Variants in KATNAL1 observed in about 807,000 individuals in gnomAD.
KATNAL1 encodes the protein katanin catalytic subunit A1 like 1.
A neutral mutation model predicts 55.2 loss-of-function variants in KATNAL1; 32 were observed. The observed-to-expected ratio is 0.58, with a 90% CI of 0.44 to 0.78. The LOEUF is 0.78. KATNAL1 is among the 30% of genes least tolerant of loss of function. The pLI is 0.00. For missense variants in KATNAL1, 466 were observed against 600.9 expected (o/e 0.78, Z 2.35); for synonymous variants, 193 against 193.6 (o/e 1.00, Z 0.02).
At chr13:30,212,250 G>T (rs1344492882) in intron 9 of KATNAL1, among the ~76,000 whole-genome samples, 1 of 152,204 alleles carries the variant, frequency 6.6e-6, no homozygotes, top group Non-Finnish European at 1.5e-5. Context: ...TCGACACAGT[G>T]AAAACAGATA....
intron 3 of KATNAL1, among the ~76,000 whole-genome samples, chr13:30,277,915 GGAGCTTGCAGT>G (rs1447039653): frequency 1.4e-5 from 2 of 144,726 alleles, no homozygotes; most frequent in East Asian, 4.1e-4. Flanking sequence ...CCCGGGAGGC[GGAGCTTGCAGT>G]GAGCCGAGAT....
At chr13:30,287,239 A>T (rs1484645718) in intron 1 of KATNAL1, among the ~76,000 whole-genome samples, 1 of 152,110 alleles carries the variant, frequency 6.6e-6, no homozygotes, top group East Asian at 1.9e-4. Flanking sequence ...TCCCACCCAA[A>T]TCTCACCTTG....
intron 1 of KATNAL1, among the ~76,000 whole-genome samples, chr13:30,301,389 C>A (rs1882846376): frequency 1.3e-5 from 2 of 151,964 alleles, no homozygotes; most frequent in African/African-American, 2.4e-5. Flanking sequence ...ACAAAAAAAA[C>A]CCTATAAACT....
chr13:30,279,344 A>G (rs1451970279), intron 3 of KATNAL1, among the ~76,000 whole-genome samples: 1 of 152,234 alleles, frequency 6.6e-6, no homozygotes, highest in Non-Finnish European at 1.5e-5. Context: ...AGCAACAAAT[A>G]AATGCAACAT....
At chr13:30,226,177 GAATACAAA>G (rs1468717749) in intron 9 of KATNAL1, among the ~76,000 whole-genome samples, 1 of 152,120 alleles carries the variant, frequency 6.6e-6, no homozygotes, top group Non-Finnish European at 1.5e-5. Context: ...ATTGATGATG[GAATACAAA>G]ATGGTATGAC....
In KATNAL1 at chr13:30,280,221, A is replaced by G. The variant is rs373275930; in HGVS notation, c.165T>C (p.Val55=). 6.4e-7 allele frequency: 1 copy of G among 1,574,424 alleles called. No individual in the cohort carries two copies. The highest frequency in any genetic ancestry group is 8.6e-7 in the Non-Finnish European group (1 of 1,167,712). Residue 55 remains valine (V), a splice_region_variant and synonymous_variant, in exon 3 of 11, where the codon GTT becomes GTC. Transcript: ENST00000380615. ...DPAIKGKWQQ[V]RQELLEEYEQ... ...CATATTCCTCCAATAATTCCTGCCGAACCTTAAAAAAAAAAAATAGGCTTT... is the reference window on the plus strand; with the variant it reads ...CATATTCCTCCAATAATTCCTGCCGGACCTTAAAAAAAAAAAATAGGCTTT...
intron 9 of KATNAL1, among the ~76,000 whole-genome samples, chr13:30,223,245 C>T (rs536472753): frequency 2.6e-5 from 4 of 151,936 alleles, no homozygotes; most frequent in South Asian, 4.2e-4. Flanking sequence ...CGAGACCATC[C>T]TGGCTAACAC....
intron 5 of KATNAL1, 74 bp from the exon 6 acceptor site, chr13:30,240,639 AT>A (rs1045699775): frequency 2.3e-4 from 233 of 996,980 alleles, no homozygotes; most frequent in Middle Eastern, 4.2e-4. Context: ...AATTCTTTTA[AT>A]TTTTTTTTAC....
At chr13:30,209,746 G>A (rs1873480062) in intron 10 of KATNAL1, among the ~76,000 whole-genome samples, 1 of 152,206 alleles carries the variant, frequency 6.6e-6, no homozygotes, top group South Asian at 2.1e-4. Flanking sequence ...ATCTTAGGTT[G>A]TCAAAGTCAT....
intron 1 of KATNAL1, among the ~76,000 whole-genome samples, chr13:30,287,235 C>A (rs1209963259): frequency 6.6e-6 from 1 of 152,164 alleles, no homozygotes; most frequent in Admixed American, 6.5e-5. Context: ...GTGTTCCCAC[C>A]CAAATCTCAC....
At chr13:30,261,725 G>C (rs945040189) in intron 3 of KATNAL1, among the ~76,000 whole-genome samples, 5 of 152,158 alleles carry the variant, frequency 3.3e-5, no homozygotes, top group African/African-American at 7.2e-5. Context: ...AGCAAGTCCT[G>C]AGTGACCTAC....
intron 9 of KATNAL1, among the ~76,000 whole-genome samples, chr13:30,211,577 C>T (rs1457936120): frequency 6.6e-6 from 1 of 152,178 alleles, no homozygotes; most frequent in East Asian, 1.9e-4. Flanking sequence ...TCATCTAAAA[C>T]AGTTCCCCAG....
At position 30,213,810 on chromosome 13, in the gene KATNAL1, C is replaced by CTATTCAA. The variant is rs1372910995; in HGVS notation, c.1148-3369_1148-3368insTTGAATA. 1.8e-4 allele frequency among the ~76,000 whole-genome samples: 28 copies of CTATTCAA among 152,312 alleles called. No individual in the cohort carries two copies. The East Asian group carries it at 5.0e-3, about 27-fold the overall frequency. On this transcript the variant is annotated intron_variant, in intron 9 of 10. Transcript: ENST00000380615. ...GAGCTACCTATGACAAACTCACAGC[C>CTATTCAA]AATATCATATTGAATGGGCAAAAAC...
chr13:30,282,387 C>T (rs747276914), intron 2 of KATNAL1, among the ~76,000 whole-genome samples: 5 of 152,038 alleles, frequency 3.3e-5, no homozygotes, highest in Non-Finnish European at 7.4e-5. Context: ...CATGTAATAC[C>T]AGTGCTTTGA....
chr13:30,296,879 C>G (rs1310329970), intron 1 of KATNAL1: 10 of 345,880 alleles, frequency 2.9e-5, no homozygotes, highest in Non-Finnish European at 5.7e-5. Context: ...CCCTGGAGGG[C>G]TAGGCCAAGG....
In KATNAL1 at chr13:30,208,383, C is replaced by A; in HGVS notation, c.*157G>T. 1 of 593,612 alleles carries A rather than the reference C, an allele frequency of 1.7e-6. No individual in the cohort carries two copies. The highest frequency in any genetic ancestry group is 2.5e-5 in the South Asian group (1 of 39,756). 36.8% of individuals were successfully genotyped at this position (593,612 alleles called of 1,614,324 possible). ...CAAACTCTCGCCATCAATTATTTCT[C>A]AACTACATTTAGTATTCTTCGCAGT... On this transcript the variant is annotated 3_prime_UTR_variant, in exon 11 of 11. Coordinates refer to ENST00000380615, the MANE Select transcript of KATNAL1 (RefSeq NM_032116.5).
intron 3 of KATNAL1, among the ~76,000 whole-genome samples, chr13:30,257,119 ATTG>A (rs1290156599): frequency 6.6e-6 from 1 of 152,246 alleles, no homozygotes; most frequent in Non-Finnish European, 1.5e-5. Flanking sequence ...AGAATAAAAA[ATTG>A]TAATTGTTAA....
At position 30,279,108 on chromosome 13, in the gene KATNAL1, T is replaced by G. The variant is rs555046659; in HGVS notation, c.323+955A>C. Among the ~76,000 whole-genome samples, 17 of 152,296 alleles carry G rather than the reference T, an allele frequency of 1.1e-4. No individual in the cohort carries two copies. The East Asian group carries it at 3.3e-3, about 29-fold the overall frequency. ...ACGTATTTTCTACGGTGCAATACTCTGGCCATAATAAAGCAGACAGAAAGC... is the reference window on the plus strand; with the variant it reads ...ACGTATTTTCTACGGTGCAATACTCGGGCCATAATAAAGCAGACAGAAAGC... On this transcript the variant is annotated intron_variant, in intron 3 of 10. Coordinates refer to ENST00000380615, the MANE Select transcript of KATNAL1 (RefSeq NM_032116.5).
chr13:30,275,092 A>G (rs1880744393), intron 3 of KATNAL1, among the ~76,000 whole-genome samples: 1 of 152,084 alleles, frequency 6.6e-6, no homozygotes, highest in African/African-American at 2.4e-5. Flanking sequence ...TTTGTTTTGC[A>G]TTGCTATACA....
Sources: gnomAD v4.1 joint callset for allele counts (sites outside exome capture counted in the v4.1 genomes callset) on GRCh38, gnomAD v4.1.1 for gene constraint, MANE v1.5 for transcripts, NCBI Gene and HGNC (gene_info 2026-07-23, HGNC 2026-07-21) for gene names.